Variants in PITPNM3 observed in about 807,000 individuals in gnomAD.
PITPNM3 encodes PITPNM family member 3, also known as membrane-associated phosphatidylinositol transfer protein 3.
In PITPNM3, 26 loss-of-function variants were observed where a neutral mutation model predicts 102.0. The observed-to-expected ratio is 0.25, with a 90% CI of 0.19 to 0.35. PITPNM3 has a LOEUF of 0.35. PITPNM3 is among the 10% of genes least tolerant of loss of function. The pLI, the probability that PITPNM3 is intolerant of heterozygous loss-of-function variation, is 1.00. For synonymous variants in PITPNM3, 578 were observed against 558.6 expected (o/e 1.03, Z -0.49); for missense variants, 1,083 against 1,346.1 (o/e 0.80, Z 3.06).
chr17:6,541,124 T>C (rs1424980510), intron 1 of PITPNM3, among the ~76,000 whole-genome samples: 1 of 152,184 alleles, frequency 6.6e-6, no homozygotes, highest in Non-Finnish European at 1.5e-5. Flanking sequence ...CCTGCATCTC[T>C]TCCTCCAGCA....
In PITPNM3 at chr17:6,457,918, G is replaced by C. The variant is rs1405799121; in HGVS notation, c.2491-196C>G. 6.6e-6 allele frequency among the ~76,000 whole-genome samples: 1 copy of C among 150,378 alleles called. No homozygotes were observed. The highest frequency in any genetic ancestry group is 1.5e-5 in the Non-Finnish European group (1 of 67,532). ...CTCCCTGCACCCCAGGCCCAACCCA[G>C]GTCTCTGCCCAGTAAACAGTCGTGA... On this transcript the variant is annotated intron_variant, in intron 18 of 19. Coordinates refer to ENST00000262483, the MANE Select transcript of PITPNM3 (RefSeq NM_031220.4). The surrounding 1 kb of genome is among the most constrained non-coding windows in gnomAD (Gnocchi z 4.7).
At chr17:6,488,494 T>G (rs1363867860) in intron 4 of PITPNM3, among the ~76,000 whole-genome samples, 1 of 152,188 alleles carries the variant, frequency 6.6e-6, no homozygotes, top group Non-Finnish European at 1.5e-5. Flanking sequence ...GTTTACCAGT[T>G]TTCAGGGACT....
intron 3 of PITPNM3, among the ~76,000 whole-genome samples, chr17:6,520,604 CT>C (rs1171670880): frequency 6.6e-6 from 1 of 152,186 alleles, no homozygotes; most frequent in Non-Finnish European, 1.5e-5. Context: ...GAAGGAATAA[CT>C]AAAGGAGACT....
intron 11 of PITPNM3, among the ~76,000 whole-genome samples, chr17:6,471,862 G>A (rs1597368355): frequency 6.6e-6 from 1 of 152,174 alleles, no homozygotes; most frequent in Non-Finnish European, 1.5e-5. Flanking sequence ...GGGGAGGGAG[G>A]TTTCCAGCCT....
intron 1 of PITPNM3, among the ~76,000 whole-genome samples, chr17:6,548,956 G>A (rs1479035156): frequency 1.3e-5 from 2 of 152,048 alleles, no homozygotes; most frequent in Admixed American, 1.3e-4. Flanking sequence ...CAGAAGAATG[G>A]GTCATCTGGG....
At position 6,468,170 on chromosome 17, in the gene PITPNM3, C is replaced by A. The variant is rs1904879383; in HGVS notation, c.1890+55G>T. 6.4e-7 allele frequency: 1 copy of A among 1,561,650 alleles called. No individual in the cohort carries two copies. Among genetic ancestry groups the A allele is most frequent in the South Asian group, 1.1e-5 (1 of 89,938 alleles). ...GTGGATGCCCCAGCCCCCGGGCCAG[C>A]CCCACCTCCCGGAGGACACAGTCCC... On this transcript the variant is annotated intron_variant, in intron 14 of 19. Coordinates refer to ENST00000262483, the MANE Select transcript of PITPNM3 (RefSeq NM_031220.4). The surrounding 1 kb of genome is among the most constrained non-coding windows in gnomAD (Gnocchi z 5.2).
Position 6,478,915 on chromosome 17 carries a change from G to T in PITPNM3, c.588-179C>A, listed in dbSNP as rs1367057022. 3.1e-6 allele frequency: 2 copies of T among 642,656 alleles called. No individual in the cohort carries two copies. Among genetic ancestry groups the T allele is most frequent in the East Asian group, 5.5e-5 (2 of 36,524 alleles). 39.8% of individuals were successfully genotyped at this position (642,656 alleles called of 1,614,324 possible). On this transcript the variant is annotated intron_variant, in intron 6 of 19. Transcript: ENST00000262483. This position sits in a 1 kb window ranked among gnomAD's most constrained non-coding sequence, Gnocchi z 4.4. Reference sequence around the variant, plus strand: ...CACAGGCAGTGTGGGGAGGAGAGGGGAAGAGGATTCAAGCCTACACTGACT... The same window carrying T: ...CACAGGCAGTGTGGGGAGGAGAGGGTAAGAGGATTCAAGCCTACACTGACT...
Position 6,483,693 on chromosome 17 carries a change from T to G in PITPNM3, c.411A>C (p.Gly137=). Reference sequence around the variant, plus strand: ...CCCCGGCACCCGTGTCCAGGATGTTTCCCCCATGCAGGACCAGCAGGAGGA... The same window carrying G: ...CCCCGGCACCCGTGTCCAGGATGTTGCCCCCATGCAGGACCAGCAGGAGGA... ...THVLLLVLHG[G]NILDTGAGDP... Residue 137 remains glycine, a synonymous_variant, in exon 6 of 20, where the codon GGA becomes GGC. Transcript: ENST00000262483. 6.2e-7 allele frequency: 1 copy of G among 1,613,824 alleles called. No homozygotes were observed.
In PITPNM3 at chr17:6,484,221, T is replaced by G; in HGVS notation, c.346A>C (p.Ser116Arg). 6.2e-7 allele frequency: 1 copy of G among 1,608,256 alleles called. No individual in the cohort carries two copies. The highest frequency in any genetic ancestry group is 1.1e-5 in the South Asian group (1 of 90,972). The change falls in exon 5 of 20, where the codon AGC becomes CGC. Residue 116 changes from serine to arginine, a missense_variant. By Grantham distance (110) the Ser-to-Arg change is moderately radical (BLOSUM62 -1). Transcript: ENST00000262483. ...AQGSIEIHED[S>R]EEGCPQRSCK... is the part of the protein sequence containing the mutation. ...CCCTCCGAAGCCCAGCCTACCTCGCTGTCTTCGTGGATCTCGATGCTTCCC... is the reference window on the plus strand; with the variant it reads ...CCCTCCGAAGCCCAGCCTACCTCGCGGTCTTCGTGGATCTCGATGCTTCCC...
rs192946883 is a variant in PITPNM3 at position 6,491,891 on chromosome 17, A to T, written c.275-7599T>A. ...TGTGTTTGGGTTAAAAATGAACTAGAGGGGCTAGGCGCCATGGCTCACAAC... is the reference window on the plus strand; with the variant it reads ...TGTGTTTGGGTTAAAAATGAACTAGTGGGGCTAGGCGCCATGGCTCACAAC... On this transcript the variant is annotated intron_variant, in intron 4 of 19. Transcript: ENST00000262483. Among the ~76,000 whole-genome samples the T allele has an allele frequency of 7.7e-5, 11 of 143,160 alleles. No individual in the cohort carries two copies. The East Asian group carries it at 2.2e-3, about 29-fold the overall frequency. The allele number at this position is 143,160 out of a possible 152,430, so 93.9% of individuals were successfully genotyped here.
chr17:6,518,453 A>G (rs1264285664), intron 3 of PITPNM3, among the ~76,000 whole-genome samples: 1 of 131,506 alleles, frequency 7.6e-6, no homozygotes, highest in Admixed American at 7.1e-5. Context: ...TAAAAAAGCA[A>G]AAAAAAAAAA....
intron 6 of PITPNM3, among the ~76,000 whole-genome samples, chr17:6,482,147 AT>A (rs1208065366): frequency 6.7e-6 from 1 of 148,768 alleles, no homozygotes; most frequent in Non-Finnish European, 1.5e-5. Flanking sequence ...CCGTTGTCTG[AT>A]TTAGGTCATG....
At chr17:6,477,283 T>C in intron 8 of PITPNM3, 70 bp from the exon 9 acceptor site, 2 of 1,512,022 alleles carry the variant, frequency 1.3e-6, no homozygotes, top group East Asian at 2.3e-5. Flanking sequence ...CCTTGTCTCC[T>C]CCCCCCAAGC....
At chr17:6,484,574 C>T (rs767310092) in intron 4 of PITPNM3, among the ~76,000 whole-genome samples, 3 of 152,226 alleles carry the variant, frequency 2.0e-5, no homozygotes, top group Admixed American at 6.5e-5. Flanking sequence ...AACTAGCCTG[C>T]GTTTCTTCAC....
rs1260840421 is a variant in PITPNM3 at position 6,463,800 on chromosome 17, G to A, written c.2238C>T (p.Ser746=). ...MECVVFSIDG[S]FAASVSIMGS... is the part of the protein sequence containing the mutation. Reference sequence around the variant, plus strand: ...CCATGATAGACACGCTGGCCGCGAAGGACCCATCAATGCTGAACACTACAC... The same window carrying A: ...CCATGATAGACACGCTGGCCGCGAAAGACCCATCAATGCTGAACACTACAC... The change falls in exon 17 of 20, where the codon TCC becomes TCT. Residue 746 remains serine (S), a synonymous_variant. Transcript: ENST00000262483. 6.2e-7 allele frequency: 1 copy of A among 1,613,546 alleles called. No individual in the cohort carries two copies. Among genetic ancestry groups the A allele is most frequent in the Admixed American group, 1.7e-5 (1 of 60,010 alleles).
At position 6,556,372 on chromosome 17, in the gene PITPNM3, C is replaced by G. The variant is rs943727539; in HGVS notation, c.22+13G>C. The stretch of plus-strand genomic sequence containing the variant: ...CCGGGCCCCGGCCCTGCCCTCCCCG[C>G]GCCCGCCCTCACCTGCACGGCCCGC... On this transcript the variant is annotated intron_variant, in intron 1 of 19. Coordinates refer to ENST00000262483, the MANE Select transcript of PITPNM3 (RefSeq NM_031220.4). This position sits in a 1 kb window ranked among gnomAD's most constrained non-coding sequence, Gnocchi z 5.2. 1.4e-6 allele frequency: 2 copies of G among 1,398,756 alleles called. No homozygotes were observed. Among genetic ancestry groups the G allele is most frequent in the South Asian group, 3.0e-5 (2 of 67,182 alleles). 86.6% of individuals were successfully genotyped at this position (1,398,756 alleles called of 1,614,324 possible).
chr17:6,504,468 A>G (rs1316995925), intron 3 of PITPNM3, among the ~76,000 whole-genome samples: 2 of 152,216 alleles, frequency 1.3e-5, no homozygotes, highest in Non-Finnish European at 2.9e-5. Flanking sequence ...TGCCAGGGCC[A>G]TCTTCATGGC....
Position 6,457,066 on chromosome 17 carries a change from A to G in PITPNM3, c.2619+528T>C, listed in dbSNP as rs1023472623. 7.0e-6 allele frequency among the ~76,000 whole-genome samples: 1 copy of G among 142,600 alleles called. No homozygotes were observed. The highest frequency in any genetic ancestry group is 1.6e-5 in the Non-Finnish European group (1 of 62,586). 93.6% of individuals were successfully genotyped at this position (142,600 alleles called of 152,430 possible). A position where few individuals can be genotyped will look rare whatever the true frequency, so the allele number is the denominator to read the frequency against. On this transcript the variant is annotated intron_variant, in intron 19 of 19. Coordinates refer to ENST00000262483, the MANE Select transcript of PITPNM3 (RefSeq NM_031220.4). The surrounding 1 kb of genome is among the most constrained non-coding windows in gnomAD (Gnocchi z 4.7). ...CCATCTTGGCCGCACTGACCGTTCTAGCCCCGCCCCCCCACCTCCCAGCTC... is the reference window on the plus strand; with the variant it reads ...CCATCTTGGCCGCACTGACCGTTCTGGCCCCGCCCCCCCACCTCCCAGCTC...
At chr17:6,553,386 T>C (rs934874904) in intron 1 of PITPNM3, among the ~76,000 whole-genome samples, 19 of 152,312 alleles carry the variant, frequency 1.2e-4, no homozygotes, top group African/African-American at 4.6e-4. Flanking sequence ...TGGGCCCCGA[T>C]AACAATTTCT....
Sources: allele counts gnomAD v4.1 joint callset (sites outside exome capture counted in the v4.1 genomes callset), GRCh38; gene constraint gnomAD v4.1.1; non-coding constraint Gnocchi (gnomAD v3.1); transcripts MANE v1.5; gene names NCBI Gene and HGNC (gene_info 2026-07-23, HGNC 2026-07-21).